The following URB2 variants were observed in gnomAD, a reference collection of about 807,000 sequenced individuals.
URB2 encodes the protein URB2 ribosome biogenesis homolog, also known as unhealthy ribosome biogenesis protein 2 homolog.
URB2 carries 86 observed loss-of-function variants against 120.9 expected under a neutral mutation model. The observed-to-expected ratio is 0.71, with a 90% confidence interval of 0.60 to 0.85. The LOEUF (loss-of-function observed/expected upper bound fraction) is 0.85, where lower values mean the gene tolerates loss of function less well. Ranked by LOEUF, URB2 falls within the 40% of genes least tolerant of loss-of-function variation. URB2 has a pLI of 0.00. For missense variants in URB2, 1,765 were observed against 1,836.5 expected (o/e 0.96, Z 0.71); for synonymous variants, 755 against 758.4 (o/e 1.00, Z 0.07).
Position 229,647,576 on chromosome 1 carries a change from G to A in URB2, c.3973G>A (p.Val1325Ile), listed in dbSNP as rs975265207. 2 of 1,614,182 alleles carry A rather than the reference G, an allele frequency of 1.2e-6. No homozygotes were observed. Among genetic ancestry groups the A allele is most frequent in the African/African-American group, 1.3e-5 (1 of 75,050 alleles). Residue 1325 changes from valine (V) to isoleucine (I), a missense_variant, in exon 7 of 10, where the codon GTC becomes ATC. Val to Ile is a conservative substitution (Grantham distance 29). Coordinates refer to ENST00000258243, the MANE Select transcript of URB2 (RefSeq NM_014777.4). Reference sequence around the variant, plus strand: ...CACAGTGGTCGGGCCTGTCTTAGATGTCCTGGCTGCACTGCTGCGGCAGGG... The same window carrying A: ...CACAGTGGTCGGGCCTGTCTTAGATATCCTGGCTGCACTGCTGCGGCAGGG... ...SLTVVGPVLD[V>I]LAALLRQGEE...
Position 229,635,752 on chromosome 1 carries a change from T to A in URB2, c.1139T>A (p.Ile380Asn). ...NNIYNIAADR[I>N]RHEEAQFRFY... ...ATCTACAACATCGCTGCCGACAGAA[T>A]TCGGCACGAAGAGGCTCAGTTCCGC... The change falls in exon 4 of 10, where the codon ATT (isoleucine) becomes AAT (asparagine). Residue 380 changes from isoleucine to asparagine, a missense_variant. Ile to Asn is a moderately radical substitution (Grantham distance 149). Transcript: ENST00000258243. 1 of 1,614,172 alleles carries A rather than the reference T, an allele frequency of 6.2e-7. No individual in the cohort carries two copies. The highest frequency in any genetic ancestry group is 8.5e-7 in the Non-Finnish European group (1 of 1,180,046).
intron 7 of URB2, among the ~76,000 whole-genome samples, chr1:229,648,122 AAC>A (rs1367438198): frequency 2.6e-5 from 4 of 152,228 alleles, no homozygotes; most frequent in Non-Finnish European, 4.4e-5. Context: ...TCGCAGTCAA[AAC>A]ACAGTCAAAA....
chr1:229,637,309 A>C lies in URB2; in HGVS notation c.2696A>C (p.Glu899Ala), dbSNP rs1291513075. 6 of 1,614,030 alleles carry C rather than the reference A, an allele frequency of 3.7e-6. No individual in the cohort carries two copies. In the East Asian group the frequency reaches 1.1e-4, roughly 30 times the overall value. Reference sequence around the variant, plus strand: ...TTGGAAAGCATCCTGGGGCTTTTGGAAGTGATTTCTGCCTTACAGCTGGAC... The same window carrying C: ...TTGGAAAGCATCCTGGGGCTTTTGGCAGTGATTTCTGCCTTACAGCTGGAC... ...EQLESILGLL[E>A]VISALQLDSL... The change falls in exon 4 of 10, where the codon GAA (glutamate) becomes GCA (alanine). Residue 899 changes from glutamate to alanine, a missense_variant. Physicochemically the swap from Glu to Ala is moderately radical, Grantham distance 107. Transcript: ENST00000258243.
At chr1:229,630,274 T>G (rs1415437128) in intron 2 of URB2, among the ~76,000 whole-genome samples, 1 of 152,246 alleles carries the variant, frequency 6.6e-6, no homozygotes, top group Non-Finnish European at 1.5e-5. Flanking sequence ...AATGTGTTTC[T>G]TAAATAATAA....
At chr1:229,632,621 C>G (rs1665700519) in intron 3 of URB2, among the ~76,000 whole-genome samples, 176 bp downstream of exon 3, 1 of 152,170 alleles carries the variant, frequency 6.6e-6, no homozygotes, top group Non-Finnish European at 1.5e-5. Flanking sequence ...ATCATATGCT[C>G]TAAGCATTTT....
intron 2 of URB2, among the ~76,000 whole-genome samples, chr1:229,628,406 G>GAGCA (rs1325168029): frequency 1.3e-5 from 2 of 151,742 alleles, no homozygotes; most frequent in African/African-American, 4.8e-5. Flanking sequence ...CTGGGCGATA[G>GAGCA]AGCAAGACCT....
chr1:229,632,475 G>A (rs781101233), intron 3 of URB2, 30 bp downstream of exon 3: 2 of 1,497,518 alleles, frequency 1.3e-6, no homozygotes, highest in Middle Eastern at 1.8e-4. Context: ...TGTATGTGTT[G>A]CATGCATCTC....
Position 229,660,152 on chromosome 1 carries a change from A to T in URB2, c.*855A>T, listed in dbSNP as rs1666490171. On this transcript the variant is annotated 3_prime_UTR_variant, in exon 10 of 10. Coordinates refer to ENST00000258243, the MANE Select transcript of URB2 (RefSeq NM_014777.4). ...GTGTATGTATATAGATGTGCATATA[A>T]ATATATATAGTAGCTAAATTGGATC... 6.6e-6 allele frequency: 1 copy of T among 152,204 alleles called. No individual in the cohort carries two copies. The highest frequency in any genetic ancestry group is 1.5e-5 in the Non-Finnish European group (1 of 68,038). The allele number at this position is 152,204 out of a possible 1,614,324, so 9.4% of individuals were successfully genotyped here. A position where few individuals can be genotyped will look rare whatever the true frequency, so the allele number is the denominator to read the frequency against.
At position 229,636,999 on chromosome 1, in the gene URB2, C is replaced by T; in HGVS notation, c.2386C>T (p.Leu796Phe). 6.2e-7 allele frequency: 1 copy of T among 1,614,068 alleles called. No individual in the cohort carries two copies. Residue 796 changes from leucine to phenylalanine, a missense_variant, in exon 4 of 10, where the codon CTT becomes TTT. By Grantham distance (22) the Leu-to-Phe change is conservative. Coordinates refer to ENST00000258243, the MANE Select transcript of URB2 (RefSeq NM_014777.4). ...ITLEKISKAF[L>F]HSPLFPEMQS... is the part of the protein sequence containing the mutation. Reference sequence around the variant, plus strand: ...ACTGGAAAAAATATCCAAAGCCTTCCTTCATAGCCCTCTCTTTCCAGAGAT... The same window carrying T: ...ACTGGAAAAAATATCCAAAGCCTTCTTTCATAGCCCTCTCTTTCCAGAGAT...
intron 4 of URB2, among the ~76,000 whole-genome samples, chr1:229,639,026 A>G (rs918731903): frequency 2.0e-5 from 3 of 152,130 alleles, no homozygotes; most frequent in Non-Finnish European, 1.5e-5. Context: ...AAAAAAGTAC[A>G]AATCAGAGCC....
chr1:229,659,985 A>G lies in URB2; in HGVS notation c.*688A>G, dbSNP rs1183849755. 6.6e-6 allele frequency: 1 copy of G among 152,094 alleles called. No homozygotes were observed. Among genetic ancestry groups the G allele is most frequent in the African/African-American group, 2.4e-5 (1 of 41,420 alleles). 9.4% of individuals were successfully genotyped at this position (152,094 alleles called of 1,614,324 possible). ...GAAATAATCCTAATTGTTTTTTCTT[A>G]TTACCTAAGCAATATATTTTTATTA... is the stretch of plus-strand genomic sequence containing the variant. On this transcript the variant is annotated 3_prime_UTR_variant, in exon 10 of 10. Coordinates refer to ENST00000258243, the MANE Select transcript of URB2 (RefSeq NM_014777.4).
chr1:229,630,392 G>C (rs1342771922), intron 2 of URB2, among the ~76,000 whole-genome samples: 1 of 152,150 alleles, frequency 6.6e-6, no homozygotes, highest in African/African-American at 2.4e-5. Flanking sequence ...CGGAGCTCTT[G>C]GTCACCCAAG....
chr1:229,650,543 G>A (rs1423730695), intron 7 of URB2, among the ~76,000 whole-genome samples: 1 of 151,892 alleles, frequency 6.6e-6, no homozygotes, highest in Non-Finnish European at 1.5e-5. Flanking sequence ...CAGTTTTTGT[G>A]CCTTGGCCTC....
intron 5 of URB2, 21 bp from the exon 6 acceptor site, chr1:229,645,838 G>GT (rs769368153): frequency 1.9e-6 from 3 of 1,610,592 alleles, no homozygotes; most frequent in African/African-American, 2.7e-5. Flanking sequence ...CTGCCGCTAA[G>GT]TTTTTTCTCT....
chr1:229,633,741 C>T (rs1207787171), intron 3 of URB2, among the ~76,000 whole-genome samples: 1 of 152,190 alleles, frequency 6.6e-6, no homozygotes, highest in African/African-American at 2.4e-5. Flanking sequence ...GCCTGATTCT[C>T]ATAATTTCTG....
Position 229,647,539 on chromosome 1 carries a change from G to C in URB2, c.3936G>C (p.Gln1312His). 2.5e-6 allele frequency: 4 copies of C among 1,614,158 alleles called. No homozygotes were observed. The highest frequency in any genetic ancestry group is 3.4e-6 in the Non-Finnish European group (4 of 1,180,006). ...TAAACCGAGAAGCTTCTCAGGAGCA[G>C]CCTGTGTCCCTCACAGTGGTCGGGC... ...TLLNREASQE[Q>H]PVSLTVVGPV... is the part of the protein sequence containing the mutation. The change falls in exon 7 of 10, where the codon CAG becomes CAC. Residue 1312 changes from glutamine (Q) to histidine (H), a missense_variant. Transcript: ENST00000258243.
Position 229,640,841 on chromosome 1 carries a change from C to T in URB2, c.3634+2594C>T, listed in dbSNP as rs1031784086. On this transcript the variant is annotated intron_variant, in intron 4 of 9. Transcript: ENST00000258243. Reference sequence around the variant, plus strand: ...TCTTTTAGCGAATGGTGTTCACCTTCTTAATGGGGGCTAAAATAGAGTCTT... The same window carrying T: ...TCTTTTAGCGAATGGTGTTCACCTTTTTAATGGGGGCTAAAATAGAGTCTT... Among the ~76,000 whole-genome samples, 7 of 149,020 alleles carry T rather than the reference C, an allele frequency of 4.7e-5. No homozygotes were observed. In the Admixed American group the frequency reaches 4.8e-4, roughly 10 times the overall value.
chr1:229,627,549 T>C, intron 1 of URB2, 72 bp from the exon 2 acceptor site: 1 of 1,469,432 alleles, frequency 6.8e-7, no homozygotes. Flanking sequence ...ACTGCAATAC[T>C]GTTGGTTTTC....
At chr1:229,646,043 G>A in intron 6 of URB2, 74 bp downstream of exon 6, 2 of 1,390,678 alleles carry the variant, frequency 1.4e-6, no homozygotes, top group South Asian at 2.3e-5. Flanking sequence ...TCAGCCTTTT[G>A]GGGTCTGCTG....
Sources: allele counts gnomAD v4.1 joint callset (sites outside exome capture counted in the v4.1 genomes callset), GRCh38; gene constraint gnomAD v4.1.1; transcripts MANE v1.5; gene names NCBI Gene and HGNC (gene_info 2026-07-23, HGNC 2026-07-21).